The following DOCK8 variants were observed in gnomAD, a reference collection of about 807,000 sequenced individuals.
The protein encoded by DOCK8 is dedicator of cytokinesis protein 8.
A neutral mutation model predicts 245.6 loss-of-function variants in DOCK8; 141 were observed. The observed-to-expected ratio is 0.57, with a 90% CI of 0.50 to 0.66. The LOEUF is 0.66. Among genes scored for constraint, DOCK8 ranks in the 30% least tolerant of loss-of-function variants. The probability of loss-of-function intolerance (pLI) is 0.00; values close to 1 mark genes in which losing one functional copy is unlikely to be tolerated. For synonymous variants in DOCK8, 1,168 were observed against 970.2 expected, an observed-to-expected ratio of 1.20 and a Z score of -3.79; for missense variants, 2,965 against 2,603.4, an observed-to-expected ratio of 1.14 and a Z score of -3.02.
chr9:290,855 G>C (rs993169724), intron 4 of DOCK8, among the ~76,000 whole-genome samples: 1 of 152,178 alleles, frequency 6.6e-6, no homozygotes, highest in Admixed American at 6.5e-5. Flanking sequence ...GTTTTATCTA[G>C]CTCCTGGAAG....
chr9:267,128 C>G (rs958627166), intron 1 of DOCK8, among the ~76,000 whole-genome samples: 2 of 152,206 alleles, frequency 1.3e-5, no homozygotes, highest in African/African-American at 4.8e-5. Context: ...AACTTAATAG[C>G]TGACATTTAC....
intron 4 of DOCK8, among the ~76,000 whole-genome samples, chr9:294,638 C>A (rs2049178603): frequency 6.6e-6 from 1 of 152,130 alleles, no homozygotes; most frequent in Non-Finnish European, 1.5e-5. Context: ...AACCTATGTG[C>A]AAATACAGCA....
intron 24 of DOCK8, among the ~76,000 whole-genome samples, chr9:392,613 A>C (rs567113136): frequency 6.6e-6 from 1 of 152,196 alleles, no homozygotes; most frequent in African/African-American, 2.4e-5. Context: ...TGTGAATCCT[A>C]TACAGAGCTA....
At chr9:431,172 C>T (rs1289716533) in intron 36 of DOCK8, among the ~76,000 whole-genome samples, 2 of 152,092 alleles carry the variant, frequency 1.3e-5, no homozygotes, top group African/African-American at 4.8e-5. Flanking sequence ...TCCTGCCTAG[C>T]CAAGACTTGA....
At chr9:363,844 A>C (rs1231241036) in intron 14 of DOCK8, among the ~76,000 whole-genome samples, 1 of 152,148 alleles carries the variant, frequency 6.6e-6, no homozygotes, top group Non-Finnish European at 1.5e-5. Context: ...GTGGGGGTGC[A>C]TGGGAATGGG....
At chr9:383,700 C>CAAAAAAAAAAAAAAAAAAAAAAAA (rs1164310899) in intron 22 of DOCK8, among the ~76,000 whole-genome samples, 1 of 69,932 alleles carries the variant, frequency 1.4e-5, no homozygotes, top group Non-Finnish European at 2.6e-5. Context: ...GACTCCGTCT[C>CAAAAAAAAAAAAAAAAAAAAAAAA]AAAAAAAAAA....
chr9:464,459 T>G lies in DOCK8; in HGVS notation c.*240T>G. On this transcript the variant is annotated 3_prime_UTR_variant, in exon 48 of 48. Transcript: ENST00000432829. ...ATGGGTACTCAGGCATGACTGCGTA[T>G]TTATTAAAGTGTGTTTTTCCACAAT... The G allele has an allele frequency of 1.7e-6, 1 of 587,806 alleles. No homozygotes were observed. The allele number at this position is 587,806 out of a possible 1,614,324, so 36.4% of individuals were successfully genotyped here. A position where few individuals can be genotyped will look rare whatever the true frequency, so the allele number is the denominator to read the frequency against.
Position 390,539 on chromosome 9 carries a change from G to T in DOCK8, c.2943G>T (p.Lys981Asn). The T allele has an allele frequency of 2.5e-6, 4 of 1,614,190 alleles. No individual in the cohort carries two copies. The highest frequency in any genetic ancestry group is 3.4e-6 in the Non-Finnish European group (4 of 1,180,008). ...STGMVRETVF[K>N]YAWFFFELLV... ...GAATGGTGAGAGAAACAGTCTTCAA[G>T]TATGCCTGGTTCTTCTTTGAGCTTC... Residue 981 changes from lysine (K) to asparagine (N), a missense_variant, in exon 24 of 48, where the codon AAG (lysine) becomes AAT (asparagine). By Grantham distance (94) the Lys-to-Asn change is moderately conservative. Around this residue, in one of 3 missense-constraint regions of DOCK8, gnomAD observed 2,825 missense variants for 2,453.5 expected, o/e 1.15. Transcript: ENST00000432829.
chr9:443,672 T>G (rs1196060138), intron 43 of DOCK8, among the ~76,000 whole-genome samples, 156 bp downstream of exon 43: 1 of 152,190 alleles, frequency 6.6e-6, no homozygotes, highest in African/African-American at 2.4e-5. Flanking sequence ...GGTCAGATCT[T>G]AAAGAAAATA....
At chr9:222,348 C>CT (rs1587609578) in intron 1 of DOCK8, among the ~76,000 whole-genome samples, 1 of 152,088 alleles carries the variant, frequency 6.6e-6, no homozygotes, top group Non-Finnish European at 1.5e-5. Flanking sequence ...CTTATACATA[C>CT]TTTTTTCTGC....
chr9:217,169 G>A (rs943630958), intron 1 of DOCK8, among the ~76,000 whole-genome samples: 2 of 152,180 alleles, frequency 1.3e-5, no homozygotes, highest in South Asian at 2.1e-4. Context: ...CATGTTGATT[G>A]CATGTTGCTT....
At chr9:272,980 A>G (rs2129963624) in intron 2 of DOCK8, 1 of 949,002 alleles carries the variant, frequency 1.1e-6, no homozygotes, top group Non-Finnish European at 1.3e-6. Flanking sequence ...TTTTGTTTCT[A>G]CTTATTACTT....
chr9:409,742 C>T (rs959188006), intron 28 of DOCK8, among the ~76,000 whole-genome samples: 1 of 152,056 alleles, frequency 6.6e-6, no homozygotes, highest in Non-Finnish European at 1.5e-5. Flanking sequence ...TCCCCCCACC[C>T]CATGACAGTC....
chr9:253,940 C>G (rs576751167), intron 1 of DOCK8, among the ~76,000 whole-genome samples: 1 of 152,272 alleles, frequency 6.6e-6, no homozygotes, highest in African/African-American at 2.4e-5. Flanking sequence ...GAGATGTGTT[C>G]AAATGCAAGA....
chr9:326,122 A>G (rs878863915), intron 8 of DOCK8, among the ~76,000 whole-genome samples: 1 of 152,236 alleles, frequency 6.6e-6, no homozygotes, highest in Non-Finnish European at 1.5e-5. Context: ...GGCATCTTAC[A>G]TGGTAGAGGT....
chr9:446,582 G>A lies in DOCK8; in HGVS notation c.5793G>A (p.Arg1931=), dbSNP rs747366014. ...TMHAFPYIKT[R]ISVIQKEEFV... The stretch of plus-strand genomic sequence containing the variant: ...ACGCCTTCCCCTACATCAAGACCAG[G>A]ATCAGCGTCATCCAGAAGGAGGAGG... The change falls in exon 44 of 48, where the codon AGG becomes AGA. Residue 1931 remains arginine (R), a synonymous_variant. Coordinates refer to ENST00000432829, the MANE Select transcript of DOCK8 (RefSeq NM_203447.4). 1 of 1,614,172 alleles carries A rather than the reference G, an allele frequency of 6.2e-7. No individual in the cohort carries two copies. The highest frequency in any genetic ancestry group is 1.1e-5 in the South Asian group (1 of 91,084).
At chr9:356,841 T>C (rs1184440521) in intron 14 of DOCK8, among the ~76,000 whole-genome samples, 1 of 100,142 alleles carries the variant, frequency 1.0e-5, no homozygotes, top group Middle Eastern at 4.1e-3. Flanking sequence ...GGCATCTTAC[T>C]TGAAAAAAAT....
intron 14 of DOCK8, among the ~76,000 whole-genome samples, chr9:355,155 A>G (rs1157410668): frequency 5.3e-5 from 8 of 150,924 alleles, no homozygotes; most frequent in African/African-American, 2.0e-4. Flanking sequence ...CCTCATGAAA[A>G]GTGTTCCCAT....
chr9:383,339 C>G (rs1292923249), intron 22 of DOCK8, among the ~76,000 whole-genome samples: 1 of 152,120 alleles, frequency 6.6e-6, no homozygotes, highest in African/African-American at 2.4e-5. Flanking sequence ...TCGAGACCAG[C>G]CTGGCTGACA....
Sources: allele counts gnomAD v4.1 joint callset (sites outside exome capture counted in the v4.1 genomes callset), GRCh38; gene constraint gnomAD v4.1.1; regional missense constraint gnomAD v4.1.1; transcripts MANE v1.5; gene names NCBI Gene and HGNC (gene_info 2026-07-23, HGNC 2026-07-21).